The following TXLNB variants were observed in gnomAD, a reference collection of about 807,000 sequenced individuals.
The protein encoded by TXLNB is beta-taxilin.
Under a neutral mutation model 57.4 loss-of-function variants are expected in TXLNB, and 37 were observed. That is an observed-to-expected ratio of 0.64 (90% CI 0.50 to 0.85). The LOEUF (loss-of-function observed/expected upper bound fraction) is 0.85. Ranked by LOEUF, TXLNB falls within the 40% of genes least tolerant of loss-of-function variation. The pLI is 0.00. For synonymous variants in TXLNB, 302 were observed against 309.6 expected, an observed-to-expected ratio of 0.98 and a Z score of 0.26; for missense variants, 848 against 825.6, an observed-to-expected ratio of 1.03 and a Z score of -0.33.
chr6:139,253,989 T>A (rs1776273889), intron 7 of TXLNB, among the ~76,000 whole-genome samples: 1 of 152,108 alleles, frequency 6.6e-6, no homozygotes, highest in Non-Finnish European at 1.5e-5. Context: ...CAGCCAGCAG[T>A]CAGCCACCCA....
chr6:139,269,574 A>AT (rs1468344137), intron 4 of TXLNB, among the ~76,000 whole-genome samples: 3 of 152,200 alleles, frequency 2.0e-5, no homozygotes, highest in Admixed American at 2.0e-4. Flanking sequence ...AGGAACCATG[A>AT]TTCTCTTCTA....
At chr6:139,198,661 T>C in the TXLNB span, among the ~76,000 whole-genome samples, 1 of 152,200 alleles carries the variant, frequency 6.6e-6, no homozygotes, top group Non-Finnish European at 1.5e-5. Flanking sequence ...AGGAGACCAA[T>C]GCAGGAGAAG....
At chr6:139,180,040 C>T in the TXLNB span, 3 of 152,266 alleles carry the variant, frequency 2.0e-5, no homozygotes, top group Non-Finnish European at 2.9e-5. Flanking sequence ...TCTCTTGTTA[C>T]ATTTGAAGCA....
chr6:139,288,465 T>C lies in TXLNB; in HGVS notation c.424+11A>G, dbSNP rs372974955. ...TACAGAAAAGTCACATATTTGAACA[T>C]AACTACTTGCCTAATCCTTTTAGGA... On this transcript the variant is annotated intron_variant, in intron 2 of 9. Transcript: ENST00000358430. The C allele has an allele frequency of 7.4e-6, 12 of 1,611,456 alleles. 1 individual carries two copies. Among genetic ancestry groups the C allele is most frequent in the South Asian group, 5.5e-5 (5 of 91,010 alleles).
At chr6:139,171,958 G>A in the TXLNB span, among the ~76,000 whole-genome samples, 213 of 152,090 alleles carry the variant, frequency 1.4e-3, 7 homozygotes, top group South Asian at 0.042. Context: ...AGCCTCATGA[G>A]TAGCTGGGAC....
the TXLNB span, among the ~76,000 whole-genome samples, chr6:139,207,219 C>CCTAT: frequency 2.0e-5 from 3 of 152,108 alleles, no homozygotes; most frequent in Admixed American, 1.3e-4. Context: ...CCAAGATAGA[C>CCTAT]CATATGATAG....
the TXLNB span, among the ~76,000 whole-genome samples, chr6:139,204,519 T>C: frequency 2.0e-5 from 3 of 151,990 alleles, no homozygotes; most frequent in African/African-American, 7.3e-5. Flanking sequence ...GGTCACAGGG[T>C]GAAAGAAGCT....
chr6:139,282,607 G>A (rs11486668), intron 2 of TXLNB, among the ~76,000 whole-genome samples: 5,657 of 145,262 alleles, frequency 0.039, 879 homozygotes, highest in African/African-American at 0.14. Flanking sequence ...GTAAATGGAT[G>A]TCTGAAGACA....
rs866019723 is a variant in TXLNB at position 139,244,613 on chromosome 6, C to CAGAG, written c.1244_1247dup (p.Leu417SerfsTer6). ...TCCTCACCTCTTCAATCATGTCCAA[C>CAGAG]AGAGCTTTGTTACAGTTCTCAAATC... On this transcript the variant is annotated frameshift_variant, in exon 9 of 10. Transcript: ENST00000358430. LOFTEE classifies it low-confidence loss of function (END_TRUNC). 1.2e-6 allele frequency: 2 copies of CAGAG among 1,613,420 alleles called. No individual in the cohort carries two copies. Among genetic ancestry groups the CAGAG allele is most frequent in the African/African-American group, 2.7e-5 (2 of 74,918 alleles).
At chr6:139,300,080 C>T in the TXLNB span, among the ~76,000 whole-genome samples, 1,287 of 152,196 alleles carry the variant, frequency 8.5e-3, 9 homozygotes, top group African/African-American at 0.029. Flanking sequence ...CTCTCCCTTA[C>T]GTGAGTGTCA....
intron 5 of TXLNB, 32 bp downstream of exon 5, chr6:139,262,547 T>C: frequency 6.4e-7 from 1 of 1,573,144 alleles, no homozygotes; most frequent in African/African-American, 1.4e-5. Flanking sequence ...CGGATCTATG[T>C]ACTGTTCTAA....
the TXLNB span, among the ~76,000 whole-genome samples, chr6:139,188,950 T>C: frequency 6.6e-6 from 1 of 152,140 alleles, no homozygotes. Context: ...GAGACGGGGT[T>C]TCACAACATT....
At chr6:139,279,280 G>A (rs6926226) in intron 2 of TXLNB, among the ~76,000 whole-genome samples, 9,379 of 152,132 alleles carry the variant, frequency 0.062, 997 homozygotes, top group African/African-American at 0.21. Context: ...GTGAGAAGAG[G>A]TTTCTTTTTG....
chr6:139,220,367 C>G, the TXLNB span, among the ~76,000 whole-genome samples: 1 of 152,234 alleles, frequency 6.6e-6, no homozygotes, highest in Admixed American at 6.5e-5. Context: ...ATTCAAACTT[C>G]TCACACAAAG....
the TXLNB span, among the ~76,000 whole-genome samples, chr6:139,308,385 G>A: frequency 6.6e-6 from 1 of 152,176 alleles, no homozygotes; most frequent in African/African-American, 2.4e-5. Context: ...CAGCCCAGAC[G>A]CCGTCTGAAA....
intron 7 of TXLNB, 45 bp downstream of exon 7, chr6:139,255,519 G>A: frequency 1.3e-6 from 2 of 1,555,750 alleles, no homozygotes; most frequent in Non-Finnish European, 1.8e-6. Context: ...TTTTATCTGG[G>A]GACAGTGAGG....
the TXLNB span, among the ~76,000 whole-genome samples, chr6:139,316,825 T>C: frequency 6.6e-6 from 1 of 152,238 alleles, no homozygotes; most frequent in Non-Finnish European, 1.5e-5. Context: ...CAAGCCATTT[T>C]TCAATATGTA....
chr6:139,298,070 T>C, the TXLNB span, among the ~76,000 whole-genome samples: 2 of 152,244 alleles, frequency 1.3e-5, no homozygotes, highest in African/African-American at 2.4e-5. Flanking sequence ...GTGACAACTC[T>C]TTAATTTGTA....
the TXLNB span, among the ~76,000 whole-genome samples, chr6:139,196,730 T>A: frequency 8.4e-4 from 128 of 152,288 alleles, 1 homozygote; most frequent in African/African-American, 2.9e-3. Flanking sequence ...ATTACTGCAA[T>A]GTCCCTTATA....
Sources: allele counts gnomAD v4.1 joint callset (sites outside exome capture counted in the v4.1 genomes callset), GRCh38; gene constraint gnomAD v4.1.1; transcripts MANE v1.5; gene names NCBI Gene and HGNC (gene_info 2026-07-23, HGNC 2026-07-21).